MOV10L1: variants seen among roughly 807,000 people sequenced by gnomAD.
The protein encoded by MOV10L1 is RNA helicase Mov10l1.
MOV10L1 carries 110 observed loss-of-function variants against 143.8 expected under a neutral mutation model. The observed-to-expected ratio is 0.76, with a 90% CI of 0.66 to 0.90. The LOEUF is 0.90. Ranked by LOEUF, MOV10L1 falls within the 40% of genes least tolerant of loss-of-function variation. The pLI is 0.00. For missense variants in MOV10L1, 1,406 were observed against 1,526.8 expected (o/e 0.92, Z 1.32); for synonymous variants, 593 against 581.1 (o/e 1.02, Z -0.29).
chr22:50,129,257 T>C (rs1311311732), intron 13 of MOV10L1, among the ~76,000 whole-genome samples: 1 of 152,202 alleles, frequency 6.6e-6, no homozygotes, highest in Non-Finnish European at 1.5e-5. Context: ...CTCCTTACTT[T>C]TATTTGTTTT....
At chr22:50,142,045 T>C (rs769669015) in intron 15 of MOV10L1, 36 bp from the exon 16 acceptor site, 1 of 1,588,328 alleles carries the variant, frequency 6.3e-7, no homozygotes, top group East Asian at 2.3e-5. Flanking sequence ...AACACAGCTG[T>C]TTTTTTAAAA....
intron 15 of MOV10L1, among the ~76,000 whole-genome samples, chr22:50,140,453 C>T (rs1181233750): frequency 6.6e-6 from 1 of 152,174 alleles, no homozygotes; most frequent in Non-Finnish European, 1.5e-5. Context: ...GCATAACCTT[C>T]TAGACCATGG....
intron 7 of MOV10L1, 28 bp from the exon 8 acceptor site, chr22:50,115,086 A>G (rs757754198): frequency 1.3e-6 from 2 of 1,554,322 alleles, no homozygotes; most frequent in African/African-American, 1.4e-5. Flanking sequence ...CTTTTGGTCA[A>G]CTTTTGTATT....
At chr22:50,108,051 T>C (rs1602161189) in intron 3 of MOV10L1, 85 bp from the exon 4 acceptor site, 5 of 1,179,298 alleles carry the variant, frequency 4.2e-6, no homozygotes, top group East Asian at 2.4e-5. Flanking sequence ...TCCTCAGGTA[T>C]GATAGAAATG....
intron 15 of MOV10L1, among the ~76,000 whole-genome samples, chr22:50,136,068 A>G (rs2062815902): frequency 6.6e-6 from 1 of 152,250 alleles, no homozygotes; most frequent in Non-Finnish European, 1.5e-5. Flanking sequence ...TGATAGGTTT[A>G]GAATGCCTAT....
intron 4 of MOV10L1, 153 bp downstream of exon 4, chr22:50,108,401 T>C (rs1361903225): frequency 1.2e-6 from 1 of 824,154 alleles, no homozygotes; most frequent in Admixed American, 2.0e-5. Context: ...CTATTGACAA[T>C]GCTGTGTTTC....
Position 50,099,425 on chromosome 22 carries a change from G to A in MOV10L1, c.283-18G>A, listed in dbSNP as rs749216668. On this transcript the variant is annotated intron_variant, in intron 2 of 26. Transcript: ENST00000262794. ...TAGTTCTCGTATTATGGTTTAGAGCGGTGTGTTTGTTTTACAGGTAGAAGC... is the reference window on the plus strand; with the variant it reads ...TAGTTCTCGTATTATGGTTTAGAGCAGTGTGTTTGTTTTACAGGTAGAAGC... 57 of 1,611,864 alleles carry A rather than the reference G, an allele frequency of 3.5e-5. No individual in the cohort carries two copies. In the Admixed American group the frequency reaches 5.2e-4, roughly 15 times the overall value.
At chr22:50,102,405 A>C (rs550739094) in intron 3 of MOV10L1, among the ~76,000 whole-genome samples, 12 of 152,306 alleles carry the variant, frequency 7.9e-5, no homozygotes, top group Non-Finnish European at 1.3e-4. Flanking sequence ...TGTCCTCATA[A>C]AACTTTATTT....
At chr22:50,151,951 A>G (rs1017715422) in intron 21 of MOV10L1, among the ~76,000 whole-genome samples, 1 of 152,216 alleles carries the variant, frequency 6.6e-6, no homozygotes, top group Non-Finnish European at 1.5e-5. Flanking sequence ...AGGAGGCTGC[A>G]TGCTTCCTTT....
chr22:50,116,660 CTT>C (rs397867977), intron 8 of MOV10L1, among the ~76,000 whole-genome samples: 12,448 of 103,380 alleles, frequency 0.12, 285 homozygotes, highest in Admixed American at 0.17. Context: ...TAGATGCTTA[CTT>C]TTTTTTTTTT....
intron 2 of MOV10L1, chr22:50,094,548 T>G (rs1036340168): frequency 6.6e-6 from 1 of 152,038 alleles, no homozygotes; most frequent in African/African-American, 2.4e-5. Flanking sequence ...TACAGGCGCC[T>G]GCCACCACGC....
Position 50,142,197 on chromosome 22 carries a change from C to A in MOV10L1, c.2179+8C>A. ...CAGAGATGAGCGATTGGGGTATGTG[C>A]TCATGAGGGGCAAGGAGAAGAGCAA... is the stretch of plus-strand genomic sequence containing the variant. On this transcript the variant is annotated splice_region_variant and intron_variant, in intron 16 of 26. Transcript: ENST00000262794. The A allele has an allele frequency of 1.2e-6, 2 of 1,602,480 alleles. No individual in the cohort carries two copies. The highest frequency in any genetic ancestry group is 1.3e-5 in the African/African-American group (1 of 74,290).
At position 50,111,199 on chromosome 22, in the gene MOV10L1, A is replaced by G. The variant is rs528774447; in HGVS notation, c.743+2355A>G. Among the ~76,000 whole-genome samples the G allele has an allele frequency of 2.0e-5, 3 of 152,316 alleles. No homozygotes were observed. The South Asian group carries it at 6.2e-4, about 32-fold the overall frequency. On this transcript the variant is annotated intron_variant, in intron 5 of 26. Transcript: ENST00000262794. ...CTGTGGTTCATGCCTTTTTCCAAAG[A>G]TGATTTTGAGGCCTTCAATATTTAA...
chr22:50,139,336 T>C (rs1161261218), intron 15 of MOV10L1, among the ~76,000 whole-genome samples: 6 of 152,002 alleles, frequency 3.9e-5, no homozygotes, highest in Non-Finnish European at 7.3e-5. Flanking sequence ...AGGATTTTTT[T>C]TTATGTGACA....
Position 50,115,057 on chromosome 22 carries a change from A to G in MOV10L1, c.1127-57A>G, listed in dbSNP as rs183535559. The G allele has an allele frequency of 2.6e-6, 4 of 1,511,274 alleles. No individual in the cohort carries two copies. In the African/African-American group the frequency reaches 4.3e-5, roughly 16 times the overall value. 93.6% of individuals were successfully genotyped at this position (1,511,274 alleles called of 1,614,324 possible). A position where few individuals can be genotyped will look rare whatever the true frequency, so the allele number is the denominator to read the frequency against. On this transcript the variant is annotated intron_variant, in intron 7 of 26. Transcript: ENST00000262794. ...ATTCATTTCCACTAAGCATGCCAGC[A>G]CTGTTAGAGATAATTTACCTTTTGG...
chr22:50,117,080 G>A (rs893978631), intron 8 of MOV10L1, 77 bp from the exon 9 acceptor site: 28 of 1,361,834 alleles, frequency 2.1e-5, no homozygotes, highest in Middle Eastern at 2.2e-4. Context: ...CACTTTTCTT[G>A]TATGTACAAA....
intron 5 of MOV10L1, among the ~76,000 whole-genome samples, chr22:50,110,856 G>A (rs577219890): frequency 9.9e-5 from 15 of 151,562 alleles, no homozygotes; most frequent in Middle Eastern, 3.4e-3. Context: ...GCTTGAACCC[G>A]GGAAGCAGAA....
intron 3 of MOV10L1, among the ~76,000 whole-genome samples, chr22:50,104,374 G>A (rs1324344647): frequency 3.9e-5 from 6 of 152,204 alleles, no homozygotes; most frequent in Admixed American, 3.3e-4. Context: ...GAAAGCACTA[G>A]CAGAAATTGG....
intron 13 of MOV10L1, among the ~76,000 whole-genome samples, chr22:50,132,517 T>A (rs1187507904): frequency 8.7e-6 from 1 of 114,626 alleles, no homozygotes; most frequent in Non-Finnish European, 2.0e-5. Context: ...AGTGTATAGG[T>A]CTTATAGATC....
Sources: allele counts gnomAD v4.1 joint callset (sites outside exome capture counted in the v4.1 genomes callset), GRCh38; gene constraint gnomAD v4.1.1; transcripts MANE v1.5; gene names NCBI Gene and HGNC (gene_info 2026-07-23, HGNC 2026-07-21).